The following ARID4B variants were observed in gnomAD, a reference collection of about 807,000 sequenced individuals.
ARID4B encodes the protein AT-rich interactive domain-containing protein 4B.
Under a neutral mutation model 147.5 loss-of-function variants are expected in ARID4B, and 26 were observed. That is an observed-to-expected ratio of 0.18 (90% CI 0.13 to 0.24). The LOEUF (loss-of-function observed/expected upper bound fraction) is 0.24, where lower values mean the gene tolerates loss of function less well. Among genes scored for constraint, ARID4B ranks in the 10% least tolerant of loss-of-function variants. ARID4B has a pLI of 1.00. For missense variants in ARID4B, 1,179 were observed against 1,511.5 expected (o/e 0.78, Z 3.65); for synonymous variants, 512 against 507.9 (o/e 1.01, Z -0.11).
At chr1:235,230,680 G>A (rs935015531) in intron 10 of ARID4B, among the ~76,000 whole-genome samples, 2 of 150,814 alleles carry the variant, frequency 1.3e-5, no homozygotes, top group South Asian at 2.1e-4. Context: ...CTAGCACTTC[G>A]GGAGGCTGAG....
At chr1:235,266,335 C>G (rs1455726485) in intron 2 of ARID4B, among the ~76,000 whole-genome samples, 1 of 152,062 alleles carries the variant, frequency 6.6e-6, no homozygotes. Context: ...GAAAAAAAAA[C>G]TCTTGCCTTT....
At position 235,260,637 on chromosome 1, in the gene ARID4B, T is replaced by C; in HGVS notation, c.117+5A>G. 2 of 1,579,130 alleles carry C rather than the reference T, an allele frequency of 1.3e-6. No individual in the cohort carries two copies. Among genetic ancestry groups the C allele is most frequent in the African/African-American group, 1.4e-5 (1 of 73,640 alleles). ...TACAATTTATGAAATCTATAAATAC[T>C]GTACCTTGACTTTGACAAGTCTTTT... On this transcript the variant is annotated splice_donor_5th_base_variant and intron_variant, in intron 3 of 23. Coordinates refer to ENST00000264183, the MANE Select transcript of ARID4B (RefSeq NM_016374.6).
chr1:235,298,017 T>C (rs1467642404), intron 2 of ARID4B, among the ~76,000 whole-genome samples: 1 of 152,178 alleles, frequency 6.6e-6, no homozygotes, highest in Non-Finnish European at 1.5e-5. Context: ...AAGGAATTAA[T>C]GTTAATGTTA....
chr1:235,244,695 T>C (rs1669191794), intron 7 of ARID4B, among the ~76,000 whole-genome samples: 2 of 152,170 alleles, frequency 1.3e-5, no homozygotes, highest in African/African-American at 4.8e-5. Flanking sequence ...AACGAAGTCC[T>C]GGGAATCCTA....
intron 6 of ARID4B, among the ~76,000 whole-genome samples, chr1:235,249,797 G>C (rs893863853): frequency 5.3e-5 from 8 of 151,920 alleles, no homozygotes; most frequent in African/African-American, 1.9e-4. Flanking sequence ...AAAATTAGCT[G>C]GGCGTGGTGG....
At chr1:235,319,690 C>A (rs144312408) in intron 2 of ARID4B, among the ~76,000 whole-genome samples, 1 of 152,008 alleles carries the variant, frequency 6.6e-6, no homozygotes. Flanking sequence ...ACCAACTAAT[C>A]ACAGCAAAAA....
At chr1:235,263,894 T>C (rs2103123979) in intron 2 of ARID4B, among the ~76,000 whole-genome samples, 1 of 151,804 alleles carries the variant, frequency 6.6e-6, no homozygotes, top group African/African-American at 2.4e-5. Flanking sequence ...CTCAGGAGGC[T>C]GAGGCAGGAG....
intron 2 of ARID4B, among the ~76,000 whole-genome samples, chr1:235,307,449 C>T (rs1673655677): frequency 1.3e-5 from 2 of 149,732 alleles, no homozygotes; most frequent in Non-Finnish European, 3.0e-5. Context: ...TGTCTCTTTA[C>T]AAAAAAAGAA....
intron 17 of ARID4B, among the ~76,000 whole-genome samples, chr1:235,202,307 T>C (rs980762029): frequency 1.3e-5 from 2 of 151,954 alleles, no homozygotes; most frequent in African/African-American, 4.8e-5. Context: ...AATTCAGTTA[T>C]CAATACAGTC....
chr1:235,271,879 G>A (rs1671010146), intron 2 of ARID4B, among the ~76,000 whole-genome samples: 1 of 151,726 alleles, frequency 6.6e-6, no homozygotes, highest in Non-Finnish European at 1.5e-5. Flanking sequence ...AACCCAGGAG[G>A]TGGAGGTTGC....
intron 2 of ARID4B, among the ~76,000 whole-genome samples, chr1:235,323,657 G>C (rs1027325947): frequency 6.6e-6 from 1 of 151,750 alleles, no homozygotes; most frequent in African/African-American, 2.4e-5. Flanking sequence ...GATGGTGCAT[G>C]CCTATAATTC....
At chr1:235,225,597 C>T (rs1667775080) in intron 11 of ARID4B, among the ~76,000 whole-genome samples, 1 of 152,154 alleles carries the variant, frequency 6.6e-6, no homozygotes, top group South Asian at 2.1e-4. Context: ...GGCTATGGAG[C>T]CTACTGTTAC....
At chr1:235,242,969 T>C (rs1232616035) in intron 7 of ARID4B, among the ~76,000 whole-genome samples, 1 of 152,166 alleles carries the variant, frequency 6.6e-6, no homozygotes, top group Non-Finnish European at 1.5e-5. Flanking sequence ...TACTATATAA[T>C]TTACTTATTT....
rs1401952022 is a variant in ARID4B, at chr1:235,311,547, G to A, written c.6+15367C>T. 2.6e-5 allele frequency among the ~76,000 whole-genome samples: 4 copies of A among 152,174 alleles called. 1 individual carries two copies. In the Middle Eastern group the frequency reaches 0.01, roughly 391 times the overall value. On this transcript the variant is annotated intron_variant, in intron 2 of 23. Transcript: ENST00000264183. ...CCTGTACTTTGGGAGGTCGAGGCAG[G>A]CAGATCACTTGAGGTCAGGAGTTTG...
At chr1:235,232,680 T>A (rs1668315046) in intron 9 of ARID4B, among the ~76,000 whole-genome samples, 1 of 152,202 alleles carries the variant, frequency 6.6e-6, no homozygotes, top group Non-Finnish European at 1.5e-5. Flanking sequence ...CTGTACATTT[T>A]ATTCATCTTA....
At chr1:235,231,416 T>C (rs1024563973) in intron 9 of ARID4B, among the ~76,000 whole-genome samples, 1 of 152,202 alleles carries the variant, frequency 6.6e-6, no homozygotes, top group African/African-American at 2.4e-5. Context: ...AAGAGCTATT[T>C]TATAAACACC....
rs536964982 is a variant in ARID4B, at chr1:235,263,880, G to C, written c.7-3128C>G. Among the ~76,000 whole-genome samples the C allele has an allele frequency of 3.3e-5, 5 of 152,066 alleles. No homozygotes were observed. In the South Asian group the frequency reaches 1.0e-3, roughly 32 times the overall value. On this transcript the variant is annotated intron_variant, in intron 2 of 23. Transcript: ENST00000264183. ...GTGGTGGCGCACACCTGTAGTCCTA[G>C]CTACTCAGGAGGCTGAGGCAGGAGA...
intron 7 of ARID4B, among the ~76,000 whole-genome samples, chr1:235,240,759 T>C (rs763280060): frequency 3.3e-5 from 5 of 152,118 alleles, no homozygotes; most frequent in Non-Finnish European, 5.9e-5. Context: ...ATATTAAACA[T>C]CCCAGTATTA....
intron 2 of ARID4B, among the ~76,000 whole-genome samples, chr1:235,283,933 C>T (rs924956568): frequency 2.6e-5 from 4 of 151,946 alleles, no homozygotes; most frequent in African/African-American, 9.7e-5. Context: ...GACGGGGTTT[C>T]GATATGTTGG....
Sources: gnomAD v4.1 joint callset for allele counts (sites outside exome capture counted in the v4.1 genomes callset) on GRCh38, gnomAD v4.1.1 for gene constraint, MANE v1.5 for transcripts, NCBI Gene and HGNC (gene_info 2026-07-23, HGNC 2026-07-21) for gene names.